The following PIWIL2 variants were observed in gnomAD, a reference collection of about 807,000 sequenced individuals.
The protein encoded by PIWIL2 is piwi like RNA-mediated gene silencing 2.
In PIWIL2, 81 loss-of-function variants were observed where a neutral mutation model predicts 116.5. The observed-to-expected ratio is 0.70, with a 90% confidence interval of 0.58 to 0.84. The LOEUF is 0.84. Ranked by LOEUF, PIWIL2 falls within the 40% of genes least tolerant of loss-of-function variation. The pLI is 0.00. For missense variants in PIWIL2, 1,272 were observed against 1,212.3 expected (o/e 1.05, Z -0.73); for synonymous variants, 489 against 429.5 (o/e 1.14, Z -1.71).
intron 20 of PIWIL2, among the ~76,000 whole-genome samples, chr8:22,324,859 CT>C (rs1327509434): frequency 2.6e-5 from 4 of 152,136 alleles, no homozygotes; most frequent in Non-Finnish European, 5.9e-5. Flanking sequence ...CGGAGAACAC[CT>C]ATCTGTAAGC....
At chr8:22,322,639 CTTGTCCTGTCCTTGTCCTGTCCTTTT>C (rs2132066095) in intron 20 of PIWIL2, among the ~76,000 whole-genome samples, 1 of 151,130 alleles carries the variant, frequency 6.6e-6, no homozygotes, top group African/African-American at 2.5e-5. Context: ...CTTTCCTTTC[CTTGTCCTGTCCTTGTCCTGTCCTTTT>C]TTGTCCTGTC....
intron 5 of PIWIL2, 82 bp downstream of exon 5, chr8:22,283,322 C>A: frequency 8.8e-7 from 1 of 1,131,926 alleles, no homozygotes; most frequent in Non-Finnish European, 1.3e-6. Flanking sequence ...ATTGTAAAAT[C>A]TGTTTGTGTT....
intron 20 of PIWIL2, among the ~76,000 whole-genome samples, chr8:22,339,215 A>G (rs573258455): frequency 6.6e-6 from 1 of 152,238 alleles, no homozygotes; most frequent in East Asian, 1.9e-4. Context: ...AAGAATTAAA[A>G]CTATAAAACT....
intron 13 of PIWIL2, among the ~76,000 whole-genome samples, chr8:22,306,244 T>G (rs1418555051): frequency 1.3e-5 from 2 of 152,188 alleles, no homozygotes; most frequent in African/African-American, 4.8e-5. Flanking sequence ...TGAAGGTCGT[T>G]AGAACAGTAG....
At chr8:22,289,081 TC>T (rs1339709583) in intron 8 of PIWIL2, among the ~76,000 whole-genome samples, 1 of 152,178 alleles carries the variant, frequency 6.6e-6, no homozygotes, top group Non-Finnish European at 1.5e-5. Context: ...TTTTGAAACA[TC>T]CTAGTTTTCA....
rs577489941 is a variant in PIWIL2, at chr8:22,288,512, T to G, written c.862-30T>G. On this transcript the variant is annotated intron_variant, in intron 7 of 22. Coordinates refer to ENST00000356766, the MANE Select transcript of PIWIL2 (RefSeq NM_018068.5). ...GTCATTAGTTCTTAGTTTTGTCATT[T>G]TGTTTCACCTGTGTGTATTTATTTG... 8.7e-5 allele frequency: 138 copies of G among 1,593,154 alleles called. 1 individual carries two copies. Among genetic ancestry groups the G allele is most frequent in the South Asian group, 5.3e-4 (48 of 90,016 alleles).
chr8:22,290,720 G>A lies in PIWIL2; in HGVS notation c.1181+374G>A, dbSNP rs1344526175. ...TCCTACCTCAGCCTCTCAAGGTGTT[G>A]AGATTATAGGCATGAGTCATGGCAC... On this transcript the variant is annotated intron_variant, in intron 10 of 22. Coordinates refer to ENST00000356766, the MANE Select transcript of PIWIL2 (RefSeq NM_018068.5). Among the ~76,000 whole-genome samples, 9 of 144,666 alleles carry A rather than the reference G, an allele frequency of 6.2e-5. No individual in the cohort carries two copies. In the Admixed American group the frequency reaches 6.7e-4, roughly 11 times the overall value. 94.9% of individuals were successfully genotyped at this position (144,666 alleles called of 152,430 possible). A position where few individuals can be genotyped will look rare whatever the true frequency, so the allele number is the denominator to read the frequency against.
chr8:22,312,038 C>T (rs1016119824), intron 16 of PIWIL2, among the ~76,000 whole-genome samples: 1 of 151,768 alleles, frequency 6.6e-6, no homozygotes, highest in African/African-American at 2.4e-5. Context: ...CTGAGGTGGG[C>T]GGGTTGCTTG....
chr8:22,316,641 CA>C (rs1278902085), intron 19 of PIWIL2, among the ~76,000 whole-genome samples: 1 of 151,862 alleles, frequency 6.6e-6, no homozygotes, highest in East Asian at 1.9e-4. Context: ...ACCACCATGC[CA>C]GGCTAATTTT....
intron 20 of PIWIL2, among the ~76,000 whole-genome samples, chr8:22,337,966 T>C (rs1832018998): frequency 6.6e-6 from 1 of 151,938 alleles, no homozygotes; most frequent in African/African-American, 2.4e-5. Context: ...TGGTGGTGCA[T>C]GCCTGTAATC....
At chr8:22,298,009 C>A (rs1830952712) in intron 10 of PIWIL2, among the ~76,000 whole-genome samples, 1 of 152,164 alleles carries the variant, frequency 6.6e-6, no homozygotes, top group East Asian at 1.9e-4. Context: ...ATAATCCCAG[C>A]ATTTTGGAAG....
Position 22,314,313 on chromosome 8 carries a change from C to T in PIWIL2, c.1990-15C>T. The T allele has an allele frequency of 9.7e-6, 14 of 1,449,936 alleles. 1 individual carries two copies. Among genetic ancestry groups the T allele is most frequent in the Non-Finnish European group, 1.3e-5 (14 of 1,068,254 alleles). The allele number at this position is 1,449,936 out of a possible 1,614,324, so 89.8% of individuals were successfully genotyped here. ...AATTCCACAGCCTGACTTGTATATA[C>T]CTTATCTCCTCAAGGGGAAGATACA... On this transcript the variant is annotated splice_polypyrimidine_tract_variant and intron_variant, in intron 16 of 22. Transcript: ENST00000356766.
chr8:22,332,623 C>G (rs539004456), intron 20 of PIWIL2, among the ~76,000 whole-genome samples: 2 of 152,020 alleles, frequency 1.3e-5, no homozygotes, highest in African/African-American at 4.8e-5. Flanking sequence ...TTCAAAGGAT[C>G]AATATGGACT....
chr8:22,340,980 T>G (rs142461603), intron 20 of PIWIL2, among the ~76,000 whole-genome samples: 243 of 152,280 alleles, frequency 1.6e-3, no homozygotes, highest in Middle Eastern at 3.4e-3. Flanking sequence ...CCCAAAGTGC[T>G]GGGGTTATAG....
At chr8:22,290,928 A>G (rs184853315) in intron 10 of PIWIL2, among the ~76,000 whole-genome samples, 3 of 151,818 alleles carry the variant, frequency 2.0e-5, no homozygotes, top group African/African-American at 7.2e-5. Flanking sequence ...GCATATAATA[A>G]TATACAATGT....
intron 10 of PIWIL2, among the ~76,000 whole-genome samples, chr8:22,293,741 A>T (rs1274624502): frequency 6.6e-6 from 1 of 152,184 alleles, no homozygotes; most frequent in Non-Finnish European, 1.5e-5. Flanking sequence ...ACAGATTCAA[A>T]TCACTGCCTT....
chr8:22,355,270 C>T (rs528632711), intron 22 of PIWIL2, 79 bp from the exon 23 acceptor site: 32 of 1,398,982 alleles, frequency 2.3e-5, no homozygotes, highest in Admixed American at 1.7e-4. Context: ...GTCATATCCC[C>T]GTGACTATTG....
chr8:22,314,306 G>A, intron 16 of PIWIL2, 22 bp from the exon 17 acceptor site: 1 of 1,386,282 alleles, frequency 7.2e-7, no homozygotes. Flanking sequence ...AGCCTGACTT[G>A]TATATACCTT....
At chr8:22,329,506 A>G (rs541573865) in intron 20 of PIWIL2, among the ~76,000 whole-genome samples, 2 of 152,356 alleles carry the variant, frequency 1.3e-5, no homozygotes, top group East Asian at 3.9e-4. Context: ...AAGAGGCGGT[A>G]CACATTTTAA....
Sources: gnomAD v4.1 joint callset for allele counts (sites outside exome capture counted in the v4.1 genomes callset) on GRCh38, gnomAD v4.1.1 for gene constraint, MANE v1.5 for transcripts, NCBI Gene and HGNC (gene_info 2026-07-23, HGNC 2026-07-21) for gene names.